Variants in GPC6 observed in about 807,000 individuals in gnomAD.
GPC6 encodes glypican 6.
GPC6 carries 14 observed loss-of-function variants against 55.2 expected under a neutral mutation model. That is an observed-to-expected ratio of 0.25 (90% CI 0.17 to 0.40). The LOEUF (loss-of-function observed/expected upper bound fraction) is 0.40. Among genes scored for constraint, GPC6 ranks in the 10% least tolerant of loss-of-function variants. The pLI, the probability that GPC6 is intolerant of heterozygous loss-of-function variation, is 1.00. For synonymous variants in GPC6, 278 were observed against 259.6 expected (o/e 1.07, Z -0.68); for missense variants, 641 against 708.5 (o/e 0.90, Z 1.08).
chr13:94,175,585 C>T (rs2138936940), intron 4 of GPC6, among the ~76,000 whole-genome samples: 1 of 152,102 alleles, frequency 6.6e-6, no homozygotes, highest in East Asian at 1.9e-4. Context: ...TGTCAAACAG[C>T]TTTCCAAAGT....
At chr13:94,277,189 G>C (rs1203128283) in intron 4 of GPC6, among the ~76,000 whole-genome samples, 1 of 152,094 alleles carries the variant, frequency 6.6e-6, no homozygotes, top group Admixed American at 6.5e-5. Flanking sequence ...AATGATCAGT[G>C]CTGTTGAGCT....
At chr13:93,710,955 A>G (rs979412442) in intron 2 of GPC6, among the ~76,000 whole-genome samples, 2 of 151,860 alleles carry the variant, frequency 1.3e-5, no homozygotes. Flanking sequence ...ATTACTTATT[A>G]GAAGACTGAA....
chr13:93,708,001 T>C (rs568731928), intron 2 of GPC6, among the ~76,000 whole-genome samples: 13 of 151,948 alleles, frequency 8.6e-5, no homozygotes, highest in African/African-American at 3.1e-4. Flanking sequence ...TTCCTATTAA[T>C]TTTGATGTTA....
intron 1 of GPC6, among the ~76,000 whole-genome samples, chr13:93,303,444 TTAG>T (rs1047326114): frequency 2.0e-5 from 3 of 152,188 alleles, no homozygotes; most frequent in Admixed American, 6.5e-5. Context: ...ATTACTATTA[TTAG>T]TGGTAATATC....
At chr13:94,165,593 GAACTTACTCATAT>G (rs1888342718) in intron 4 of GPC6, among the ~76,000 whole-genome samples, 1 of 151,872 alleles carries the variant, frequency 6.6e-6, no homozygotes, top group Non-Finnish European at 1.5e-5. Flanking sequence ...CACCACTAAA[GAACTTACTCATAT>G]AACCAAATAC....
chr13:93,912,745 A>G (rs999686828), intron 3 of GPC6, among the ~76,000 whole-genome samples: 5 of 152,212 alleles, frequency 3.3e-5, no homozygotes, highest in African/African-American at 1.2e-4. Context: ...TCCGTCTCAA[A>G]AAAAACAAAA....
chr13:93,540,015 G>GT (rs1476250344), intron 1 of GPC6, among the ~76,000 whole-genome samples: 3 of 152,098 alleles, frequency 2.0e-5, no homozygotes, highest in African/African-American at 7.2e-5. Flanking sequence ...GAATGGCACA[G>GT]TAACCTTGTT....
Position 94,285,186 on chromosome 13 carries a change from G to A in GPC6, c.878-1163G>A, listed in dbSNP as rs78371927. On this transcript the variant is annotated intron_variant, in intron 4 of 8. Coordinates refer to ENST00000377047, the MANE Select transcript of GPC6 (RefSeq NM_005708.5). ...AACAAGGCAAATGAATTGAGATAAC[G>A]AATAGAAATACAGGAACCGGTAGTT... Among the ~76,000 whole-genome samples, 945 of 152,232 alleles carry A rather than the reference G, an allele frequency of 6.2e-3. 13 individuals carry two copies. Among genetic ancestry groups the A allele is most frequent in the African/African-American group, 0.021 (869 of 41,550 alleles).
At chr13:94,001,908 G>A (rs1308273757) in intron 3 of GPC6, among the ~76,000 whole-genome samples, 1 of 152,136 alleles carries the variant, frequency 6.6e-6, no homozygotes, top group Admixed American at 6.5e-5. Flanking sequence ...AGAGGTTTTA[G>A]CATTGGAGTG....
intron 4 of GPC6, among the ~76,000 whole-genome samples, chr13:94,165,278 A>G (rs1888325887): frequency 1.4e-5 from 2 of 138,504 alleles, no homozygotes; most frequent in South Asian, 4.3e-4. Context: ...ATATACACAT[A>G]TATATATATA....
intron 1 of GPC6, among the ~76,000 whole-genome samples, chr13:93,352,396 T>A: frequency 6.6e-6 from 1 of 152,240 alleles, no homozygotes; most frequent in East Asian, 1.9e-4. Flanking sequence ...GTTTAGATTA[T>A]GGTAGTTTAT....
At position 93,979,179 on chromosome 13, in the gene GPC6, T is replaced by G. The variant is rs1880659254; in HGVS notation, c.712-48550T>G. On this transcript the variant is annotated intron_variant, in intron 3 of 8. Coordinates refer to ENST00000377047, the MANE Select transcript of GPC6 (RefSeq NM_005708.5). ...GTACTCACCAGCCACATGTAGCTGT[T>G]GAGCATGGGGTGTGACTGAATTTAT... Among the ~76,000 whole-genome samples, 3 of 152,038 alleles carry G rather than the reference T, an allele frequency of 2.0e-5. No individual in the cohort carries two copies. In the South Asian group the frequency reaches 6.2e-4, roughly 32 times the overall value.
chr13:93,886,653 A>G lies in GPC6; in HGVS notation c.711+56108A>G, dbSNP rs190985122. ...ACCTGTCCTTCATTGCATAATGTCT[A>G]TGTGACTTTCGGCCTCTTTTAACAT... On this transcript the variant is annotated intron_variant, in intron 3 of 8. Coordinates refer to ENST00000377047, the MANE Select transcript of GPC6 (RefSeq NM_005708.5). Among the ~76,000 whole-genome samples the G allele has an allele frequency of 9.9e-5, 15 of 151,904 alleles. No homozygotes were observed. The East Asian group carries it at 2.5e-3, about 26-fold the overall frequency.
intron 2 of GPC6, among the ~76,000 whole-genome samples, chr13:93,604,652 A>G (rs185360961): frequency 2.0e-5 from 3 of 152,298 alleles, no homozygotes; most frequent in East Asian, 3.9e-4. Context: ...AGACATAGCA[A>G]CAATAGAAGT....
Position 94,231,708 on chromosome 13 carries a change from A to G in GPC6, c.878-54641A>G, listed in dbSNP as rs552839854. ...AAGCTAAGCAGAGTGATAGCAAATG[A>G]TCTTTTCCTATGATCAGTTTTTCCT... On this transcript the variant is annotated intron_variant, in intron 4 of 8. Coordinates refer to ENST00000377047, the MANE Select transcript of GPC6 (RefSeq NM_005708.5). Among the ~76,000 whole-genome samples, 21 of 152,312 alleles carry G rather than the reference A, an allele frequency of 1.4e-4. No homozygotes were observed. In the South Asian group the frequency reaches 4.3e-3, roughly 32 times the overall value.
At chr13:93,250,120 T>A (rs984059062) in intron 1 of GPC6, among the ~76,000 whole-genome samples, 1 of 152,230 alleles carries the variant, frequency 6.6e-6, no homozygotes, top group Non-Finnish European at 1.5e-5. Flanking sequence ...GATTTTTCCA[T>A]CTGTAAACAG....
At chr13:93,308,055 T>G (rs190490841) in intron 1 of GPC6, among the ~76,000 whole-genome samples, 2 of 151,978 alleles carry the variant, frequency 1.3e-5, no homozygotes, top group Admixed American at 6.6e-5. Context: ...GAGGCCGAGG[T>G]GGGCGGATCA....
chr13:94,331,589 T>A (rs1877422469), intron 6 of GPC6, among the ~76,000 whole-genome samples: 1 of 152,206 alleles, frequency 6.6e-6, no homozygotes, highest in African/African-American at 2.4e-5. Flanking sequence ...TTCATCCTTG[T>A]CCACGGACAG....
chr13:93,865,690 T>C (rs1488402591), intron 3 of GPC6, among the ~76,000 whole-genome samples: 1 of 151,726 alleles, frequency 6.6e-6, no homozygotes, highest in Non-Finnish European at 1.5e-5. Context: ...ATATTGATTC[T>C]CATGCCCTGC....
Sources: allele counts gnomAD v4.1 joint callset (sites outside exome capture counted in the v4.1 genomes callset), GRCh38; gene constraint gnomAD v4.1.1; transcripts MANE v1.5; gene names NCBI Gene and HGNC (gene_info 2026-07-23, HGNC 2026-07-21).